Variants in LUC7L observed in about 807,000 individuals in gnomAD.
The protein encoded by LUC7L is LUC7 like, also known as putative RNA-binding protein Luc7-like 1.
LUC7L carries 29 observed loss-of-function variants against 51.1 expected under a neutral mutation model. The observed-to-expected ratio is 0.57, with a 90% CI of 0.42 to 0.77. The LOEUF is 0.77. Among genes scored for constraint, LUC7L ranks in the 30% least tolerant of loss-of-function variants. LUC7L has a pLI of 0.00. For missense variants in LUC7L, 403 were observed against 511.9 expected (o/e 0.79, Z 2.05); for synonymous variants, 181 against 180.7 (o/e 1.00, Z -0.01).
intron 2 of LUC7L, among the ~76,000 whole-genome samples, chr16:226,117 G>A (rs1567195695): frequency 6.6e-6 from 1 of 152,138 alleles, no homozygotes; most frequent in Non-Finnish European, 1.5e-5. Flanking sequence ...CCAAACAGCA[G>A]ACAACACCCC....
At chr16:206,799 C>T (rs990415818) in intron 4 of LUC7L, among the ~76,000 whole-genome samples, 2 of 151,162 alleles carry the variant, frequency 1.3e-5, no homozygotes, top group African/African-American at 4.9e-5. Flanking sequence ...TGGCTCACAC[C>T]TGTAATCCCA....
At chr16:228,834 C>G (rs1355478908) in intron 1 of LUC7L, 3 of 1,293,356 alleles carry the variant, frequency 2.3e-6, no homozygotes, top group South Asian at 2.5e-5. Context: ...TGGTACAGAA[C>G]CAGAGCGGGC....
chr16:225,173 A>G (rs867503666), intron 2 of LUC7L, among the ~76,000 whole-genome samples: 1 of 152,048 alleles, frequency 6.6e-6, no homozygotes, highest in Admixed American at 6.5e-5. Context: ...GAAGGGCACC[A>G]AAGTTTCCGG....
chr16:208,763 AC>A (rs2049555211), intron 3 of LUC7L: 1 of 304,630 alleles, frequency 3.3e-6, no homozygotes, highest in South Asian at 1.3e-4. Context: ...GTTGCTATTT[AC>A]CCAAAGAGAT....
At chr16:223,123 G>A (rs1343802581) in intron 2 of LUC7L, among the ~76,000 whole-genome samples, 5 of 151,260 alleles carry the variant, frequency 3.3e-5, no homozygotes. Context: ...ACTTTGGGAG[G>A]CCGAGGCGGG....
chr16:228,590 C>T (rs888542743), intron 1 of LUC7L: 1 of 1,190,976 alleles, frequency 8.4e-7, no homozygotes, highest in Non-Finnish European at 1.1e-6. Flanking sequence ...CATTACTCAG[C>T]AGAAAAGAAA....
intron 5 of LUC7L, among the ~76,000 whole-genome samples, chr16:203,279 G>A (rs1484427537): frequency 1.3e-5 from 2 of 152,184 alleles, no homozygotes; most frequent in Non-Finnish European, 2.9e-5. Context: ...GGGTTTACTG[G>A]TGAATTCTAC....
chr16:214,779 G>C (rs954193145), intron 3 of LUC7L, among the ~76,000 whole-genome samples: 2 of 152,086 alleles, frequency 1.3e-5, no homozygotes, highest in African/African-American at 4.8e-5. Context: ...ACCCACCCTA[G>C]TCTCCCAAAG....
At chr16:227,867 T>G (rs1290723032) in intron 1 of LUC7L, 31 of 1,001,426 alleles carry the variant, frequency 3.1e-5, no homozygotes, top group Non-Finnish European at 2.3e-5. Flanking sequence ...TCCCTTTCGT[T>G]CCCACCCTTA....
chr16:203,938 C>T (rs1196375639), intron 5 of LUC7L, among the ~76,000 whole-genome samples: 2 of 151,994 alleles, frequency 1.3e-5, no homozygotes. Flanking sequence ...ATCGCTTGAG[C>T]CCGGGAGGCG....
chr16:201,228 G>T (rs1596619359), intron 5 of LUC7L, among the ~76,000 whole-genome samples: 9 of 85,808 alleles, frequency 1.0e-4, no homozygotes, highest in South Asian at 8.9e-4. Flanking sequence ...TTCCATTATA[G>T]TATGCTACAT....
chr16:228,737 C>G (rs1304392383), intron 1 of LUC7L: 1 of 1,253,462 alleles, frequency 8.0e-7, no homozygotes, highest in Non-Finnish European at 1.0e-6. Flanking sequence ...CAGAGGCTCT[C>G]CTGTGTGCTG....
At chr16:209,996 A>G (rs1285205001) in intron 3 of LUC7L, among the ~76,000 whole-genome samples, 2 of 152,206 alleles carry the variant, frequency 1.3e-5, no homozygotes, top group African/African-American at 4.8e-5. Context: ...GAATTCAAAA[A>G]CTGCCTCTTG....
At chr16:214,214 C>T (rs567747995) in intron 3 of LUC7L, among the ~76,000 whole-genome samples, 6 of 151,944 alleles carry the variant, frequency 3.9e-5, no homozygotes, top group Non-Finnish European at 5.9e-5. Flanking sequence ...ATTACAGGTG[C>T]GCACCACCAC....
chr16:228,688 C>G (rs1596699784), intron 1 of LUC7L: 1 of 1,201,916 alleles, frequency 8.3e-7, no homozygotes, highest in Admixed American at 3.4e-5. Flanking sequence ...CCTCCCTACA[C>G]AGTACAACCT....
chr16:212,576 T>C (rs1300523146), intron 3 of LUC7L, among the ~76,000 whole-genome samples: 2 of 152,140 alleles, frequency 1.3e-5, no homozygotes, highest in African/African-American at 4.8e-5. Flanking sequence ...TGGACAACTG[T>C]AAGACAGGAA....
At chr16:225,331 C>A (rs1018428110) in intron 2 of LUC7L, among the ~76,000 whole-genome samples, 1 of 151,724 alleles carries the variant, frequency 6.6e-6, no homozygotes, top group African/African-American at 2.4e-5. Flanking sequence ...ACTGAAAATA[C>A]AAAAGTTAGC....
At chr16:209,910 T>C (rs2049592125) in intron 3 of LUC7L, 2 of 152,176 alleles carry the variant, frequency 1.3e-5, no homozygotes, top group African/African-American at 4.8e-5. Context: ...TGGTGCCCAG[T>C]CTCCCAAGAA....
intron 5 of LUC7L, among the ~76,000 whole-genome samples, chr16:200,348 C>T (rs1282486262): frequency 1.3e-5 from 2 of 151,280 alleles, no homozygotes; most frequent in Non-Finnish European, 2.9e-5. Context: ...GGCGTGAACC[C>T]GGCAGGCGGA....
Sources: allele counts gnomAD v4.1 joint callset (sites outside exome capture counted in the v4.1 genomes callset), GRCh38; gene constraint gnomAD v4.1.1; transcripts MANE v1.5; gene names NCBI Gene and HGNC (gene_info 2026-07-23, HGNC 2026-07-21).